Variants in FNTB observed in about 807,000 individuals in gnomAD.
FNTB encodes the protein protein farnesyltransferase subunit beta.
FNTB carries 27 observed loss-of-function variants against 59.4 expected under a neutral mutation model. That is an observed-to-expected ratio of 0.45 (90% CI 0.34 to 0.63). The LOEUF (loss-of-function observed/expected upper bound fraction) is 0.63. Ranked by LOEUF, FNTB falls within the 20% of genes least tolerant of loss-of-function variation. FNTB has a pLI of 0.02. For synonymous variants in FNTB, 230 were observed against 220.7 expected, an observed-to-expected ratio of 1.04 and a Z score of -0.37; for missense variants, 449 against 559.6, an observed-to-expected ratio of 0.80 and a Z score of 1.99.
chr14:64,998,003 A>T (rs1191179930), intron 1 of FNTB, among the ~76,000 whole-genome samples: 1 of 152,196 alleles, frequency 6.6e-6, no homozygotes, highest in African/African-American at 2.4e-5. Flanking sequence ...TCCTACAGTC[A>T]TGTTTTGAGG....
chr14:65,036,712 G>T (rs1468579622), intron 7 of FNTB, among the ~76,000 whole-genome samples: 5 of 151,962 alleles, frequency 3.3e-5, no homozygotes, highest in African/African-American at 1.2e-4. Context: ...CTTTTTGTGT[G>T]TGATGGAGTC....
rs2062040775 is a variant in FNTB at position 65,029,495 on chromosome 14, G to A, written c.605+1714G>A. On this transcript the variant is annotated intron_variant, in intron 6 of 11. Transcript: ENST00000246166. This position sits in a 1 kb window ranked among gnomAD's most constrained non-coding sequence, Gnocchi z 4.7. Reference sequence around the variant, plus strand: ...CAGAGATGAGCCTACTCAAGGGTCTGTAGTTCCAGTGTATTGTAAAAAATC... The same window carrying A: ...CAGAGATGAGCCTACTCAAGGGTCTATAGTTCCAGTGTATTGTAAAAAATC... 6.6e-6 allele frequency among the ~76,000 whole-genome samples: 1 copy of A among 152,212 alleles called. No individual in the cohort carries two copies. The highest frequency in any genetic ancestry group is 2.1e-4 in the South Asian group (1 of 4,836).
At chr14:65,004,513 G>A (rs982949844) in intron 2 of FNTB, among the ~76,000 whole-genome samples, 200 bp downstream of exon 2, 1 of 152,138 alleles carries the variant, frequency 6.6e-6, no homozygotes, top group Non-Finnish European at 1.5e-5. Flanking sequence ...TTCTCCACTC[G>A]AGCTGAGCTG....
intron 11 of FNTB, among the ~76,000 whole-genome samples, chr14:65,058,709 C>T (rs561564086): frequency 3.3e-5 from 5 of 152,044 alleles, no homozygotes; most frequent in South Asian, 2.1e-4. Flanking sequence ...ATGCTTTCTC[C>T]GCATCTGATT....
Position 64,994,847 on chromosome 14 carries a change from T to C in FNTB, c.144+7750T>C, listed in dbSNP as rs1888335228. On this transcript the variant is annotated intron_variant, in intron 1 of 11. Transcript: ENST00000246166. The surrounding 1 kb of genome is among the most constrained non-coding windows in gnomAD (Gnocchi z 4.2). Reference sequence around the variant, plus strand: ...AAAAATAAACACGGTATGCTTAAGCTACACTAAATTTATTCATACGCTTTT... The same window carrying C: ...AAAAATAAACACGGTATGCTTAAGCCACACTAAATTTATTCATACGCTTTT... Among the ~76,000 whole-genome samples the C allele has an allele frequency of 6.6e-6, 1 of 152,206 alleles. No individual in the cohort carries two copies. Among genetic ancestry groups the C allele is most frequent in the Non-Finnish European group, 1.5e-5 (1 of 68,026 alleles).
At chr14:65,041,031 A>G (rs1160961546) in intron 8 of FNTB, 112 bp downstream of exon 8, 1 of 1,497,704 alleles carries the variant, frequency 6.7e-7, no homozygotes, top group African/African-American at 1.4e-5. Context: ...TAAGAGAGTT[A>G]GCTCTGTTCC....
rs367574601 is a variant in FNTB, at chr14:65,030,528, C to T, written c.606-2082C>T. On this transcript the variant is annotated intron_variant, in intron 6 of 11. Coordinates refer to ENST00000246166, the MANE Select transcript of FNTB (RefSeq NM_002028.4). The surrounding 1 kb of genome is among the most constrained non-coding windows in gnomAD (Gnocchi z 4.5). Reference sequence around the variant, plus strand: ...CTGAGATGAGAGAATCACTTGAGGCCAGGAGTTCAAGACCAACCTGGGTAA... The same window carrying T: ...CTGAGATGAGAGAATCACTTGAGGCTAGGAGTTCAAGACCAACCTGGGTAA... Among the ~76,000 whole-genome samples, 3 of 152,074 alleles carry T rather than the reference C, an allele frequency of 2.0e-5. No homozygotes were observed. In the East Asian group the frequency reaches 5.8e-4, roughly 29 times the overall value.
rs545830955 is a variant in FNTB, at chr14:65,002,010, A to G, written c.145-2239A>G. On this transcript the variant is annotated intron_variant, in intron 1 of 11. Coordinates refer to ENST00000246166, the MANE Select transcript of FNTB (RefSeq NM_002028.4). The stretch of plus-strand genomic sequence containing the variant: ...GATTGGCTGCCATCGTAGATGATTC[A>G]TATCACTGCTCCCCTCATCATCACA... Among the ~76,000 whole-genome samples the G allele has an allele frequency of 8.5e-5, 13 of 152,346 alleles. No homozygotes were observed. The East Asian group carries it at 2.5e-3, about 29-fold the overall frequency.
At chr14:65,035,001 G>A (rs918057415) in intron 7 of FNTB, among the ~76,000 whole-genome samples, 1 of 152,242 alleles carries the variant, frequency 6.6e-6, no homozygotes, top group African/African-American at 2.4e-5. Flanking sequence ...GCAGCTCAGA[G>A]CTCAGTTCTT....
chr14:65,030,343 T>G lies in FNTB; in HGVS notation c.606-2267T>G, dbSNP rs1213964350. Among the ~76,000 whole-genome samples, 1 of 152,244 alleles carries G rather than the reference T, an allele frequency of 6.6e-6. No homozygotes were observed. Among genetic ancestry groups the G allele is most frequent in the African/African-American group, 2.4e-5 (1 of 41,456 alleles). The stretch of plus-strand genomic sequence containing the variant: ...ACTAAACTTCCACTGTGCCTTTGGC[T>G]GCTAAAAATGCTGGTAGGATCATAA... On this transcript the variant is annotated intron_variant, in intron 6 of 11. Coordinates refer to ENST00000246166, the MANE Select transcript of FNTB (RefSeq NM_002028.4). The surrounding 1 kb of genome is among the most constrained non-coding windows in gnomAD (Gnocchi z 4.5).
chr14:65,026,532 T>A (rs1208233991), intron 4 of FNTB, among the ~76,000 whole-genome samples: 1 of 152,214 alleles, frequency 6.6e-6, no homozygotes, highest in Non-Finnish European at 1.5e-5. Context: ...GCCTCTCTTC[T>A]GTTCTCCCAG....
chr14:65,042,436 A>C (rs2062373886), intron 8 of FNTB, among the ~76,000 whole-genome samples: 1 of 152,208 alleles, frequency 6.6e-6, no homozygotes, highest in Non-Finnish European at 1.5e-5. Flanking sequence ...GAAGCCTGGC[A>C]TACACGGTTC....
Position 65,044,784 on chromosome 14 carries a change from C to G in FNTB, c.955+341C>G, listed in dbSNP as rs906037679. 1 of 268,484 alleles carries G rather than the reference C, an allele frequency of 3.7e-6. No homozygotes were observed. Among genetic ancestry groups the G allele is most frequent in the Non-Finnish European group, 7.1e-6 (1 of 141,746 alleles). The allele number at this position is 268,484 out of a possible 1,614,324, so 16.6% of individuals were successfully genotyped here. A position where few individuals can be genotyped will look rare whatever the true frequency, so the allele number is the denominator to read the frequency against. Reference sequence around the variant, plus strand: ...GGCTCTGTGGTGATTGCCACCTCCTCTGGGTGCAGGGCAGAGCTGAAAACC... The same window carrying G: ...GGCTCTGTGGTGATTGCCACCTCCTGTGGGTGCAGGGCAGAGCTGAAAACC... On this transcript the variant is annotated intron_variant, in intron 9 of 11. Transcript: ENST00000246166. The surrounding 1 kb of genome is among the most constrained non-coding windows in gnomAD (Gnocchi z 5.5).
chr14:65,022,251 G>A (rs990160529), intron 4 of FNTB: 3 of 296,932 alleles, frequency 1.0e-5, no homozygotes, highest in Non-Finnish European at 2.0e-5. Context: ...ATGGATGACT[G>A]TTCCTATTTC....
At chr14:65,004,195 T>C in intron 1 of FNTB, 54 bp from the exon 2 acceptor site, 2 of 1,590,500 alleles carry the variant, frequency 1.3e-6, no homozygotes, top group South Asian at 1.1e-5. Flanking sequence ...AAAAAGCTGA[T>C]GGAGGTCTCA....
intron 1 of FNTB, among the ~76,000 whole-genome samples, chr14:64,999,823 G>A (rs1698990472): frequency 6.6e-6 from 1 of 152,162 alleles, no homozygotes; most frequent in Admixed American, 6.5e-5. Context: ...ATATGAGTTA[G>A]TTACTAACTG....
intron 1 of FNTB, among the ~76,000 whole-genome samples, chr14:65,000,751 T>G (rs1300371837): frequency 7.8e-6 from 1 of 128,766 alleles, no homozygotes; most frequent in Non-Finnish European, 1.5e-5. Context: ...ACCCAGGAGG[T>G]GGAGGTTGCA....
chr14:65,035,063 T>G (rs2062158558), intron 7 of FNTB, among the ~76,000 whole-genome samples: 1 of 152,212 alleles, frequency 6.6e-6, no homozygotes, highest in South Asian at 2.1e-4. Flanking sequence ...TTGAACTGAG[T>G]TTAAATGCAG....
At chr14:65,040,354 C>T (rs914077276) in intron 7 of FNTB, among the ~76,000 whole-genome samples, 1 of 148,274 alleles carries the variant, frequency 6.7e-6, no homozygotes, top group Non-Finnish European at 1.5e-5. Flanking sequence ...TAACTTTTTC[C>T]CAAAGAGTAA....
Sources: gnomAD v4.1 joint callset for allele counts (sites outside exome capture counted in the v4.1 genomes callset) on GRCh38, gnomAD v4.1.1 for gene constraint, Gnocchi (gnomAD v3.1) non-coding constraint, MANE v1.5 for transcripts, NCBI Gene and HGNC (gene_info 2026-07-23, HGNC 2026-07-21) for gene names.